BCAS3: variants seen among roughly 807,000 people sequenced by gnomAD.
BCAS3 encodes BCAS3 microtubule associated cell migration factor.
BCAS3 carries 53 observed loss-of-function variants against 116.1 expected under a neutral mutation model. The observed-to-expected ratio is 0.46, with a 90% CI of 0.37 to 0.57. The LOEUF (loss-of-function observed/expected upper bound fraction) is 0.57. BCAS3 is among the 20% of genes least tolerant of loss of function. The pLI, the probability that BCAS3 is intolerant of heterozygous loss-of-function variation, is 0.00. For missense variants in BCAS3, 917 were observed against 1,165.4 expected (o/e 0.79, Z 3.10); for synonymous variants, 391 against 408.2 (o/e 0.96, Z 0.51).
Position 61,380,812 on chromosome 17 carries a change from G to T in BCAS3, c.2594-11165G>T, listed in dbSNP as rs1895922544. Reference sequence around the variant, plus strand: ...GCCACTCCCTGCCCCCCACTTTGAAGATGGAAGTGAAATTTTCGGACTCTG... The same window carrying T: ...GCCACTCCCTGCCCCCCACTTTGAATATGGAAGTGAAATTTTCGGACTCTG... On this transcript the variant is annotated intron_variant, in intron 23 of 23. Coordinates refer to ENST00000407086, the MANE Select transcript of BCAS3 (RefSeq NM_017679.5). This position sits in a 1 kb window ranked among gnomAD's most constrained non-coding sequence, Gnocchi z 4.2. Among the ~76,000 whole-genome samples the T allele has an allele frequency of 6.6e-6, 1 of 152,236 alleles. No homozygotes were observed. Among genetic ancestry groups the T allele is most frequent in the South Asian group, 2.1e-4 (1 of 4,824 alleles).
chr17:60,697,687 T>G (rs2035787391), intron 4 of BCAS3, among the ~76,000 whole-genome samples: 1 of 152,014 alleles, frequency 6.6e-6, no homozygotes, highest in African/African-American at 2.4e-5. Flanking sequence ...GCAAACAGTC[T>G]TCTAAGGAGG....
At chr17:60,814,768 T>C (rs1391973831) in intron 7 of BCAS3, among the ~76,000 whole-genome samples, 2 of 152,200 alleles carry the variant, frequency 1.3e-5, no homozygotes, top group Admixed American at 6.5e-5. Context: ...TTTAAACACA[T>C]TGTTTAATGA....
At chr17:60,764,424 T>C (rs1598543634) in intron 6 of BCAS3, among the ~76,000 whole-genome samples, 1 of 152,328 alleles carries the variant, frequency 6.6e-6, no homozygotes, top group Non-Finnish European at 1.5e-5. Flanking sequence ...TCAAAGAACA[T>C]CTTTATTTCT....
At chr17:60,853,768 A>C (rs1456055105) in intron 7 of BCAS3, among the ~76,000 whole-genome samples, 2 of 152,206 alleles carry the variant, frequency 1.3e-5, no homozygotes, top group Non-Finnish European at 2.9e-5. Flanking sequence ...CTGTTTTCTT[A>C]TAAAATGTTT....
intron 23 of BCAS3, chr17:61,383,747 A>G (rs2059713896): frequency 6.6e-6 from 1 of 152,264 alleles, no homozygotes; most frequent in African/African-American, 2.4e-5. Context: ...GAAAAGGGGA[A>G]AGCCACATCT....
rs370595858 is a variant in BCAS3, at chr17:61,223,314, GC to G, written c.2425+138752del. Among the ~76,000 whole-genome samples, 55 of 151,946 alleles carry G rather than the reference GC, an allele frequency of 3.6e-4. No individual in the cohort carries two copies. The East Asian group carries it at 8.5e-3, about 24-fold the overall frequency. ...TGGGATTACAGGCATGTGCCACCAC[GC>G]CTGGCTAATTTTTTTTTGTATTTAG... On this transcript the variant is annotated intron_variant, in intron 22 of 23. Transcript: ENST00000407086.
intron 15 of BCAS3, among the ~76,000 whole-genome samples, chr17:60,998,740 G>C (rs968750888): frequency 1.8e-4 from 27 of 152,126 alleles, no homozygotes; most frequent in African/African-American, 6.0e-4. Flanking sequence ...CCTTTGTTCA[G>C]ATACATAGTT....
At chr17:61,237,535 C>A (rs1241955301) in intron 22 of BCAS3, among the ~76,000 whole-genome samples, 1 of 152,214 alleles carries the variant, frequency 6.6e-6, no homozygotes, top group East Asian at 1.9e-4. Context: ...TGTGGCTGCT[C>A]ACTGTTTGGG....
chr17:60,678,506 T>G (rs905115386), intron 1 of BCAS3, among the ~76,000 whole-genome samples: 1 of 152,162 alleles, frequency 6.6e-6, no homozygotes, highest in African/African-American at 2.4e-5. Context: ...GCTCTTAAAA[T>G]CTCAGTGATT....
At chr17:61,064,070 T>G (rs1364957010) in intron 19 of BCAS3, among the ~76,000 whole-genome samples, 2 of 152,202 alleles carry the variant, frequency 1.3e-5, no homozygotes, top group Non-Finnish European at 2.9e-5. Flanking sequence ...AAACTCCACC[T>G]TGTCCTTAAA....
intron 7 of BCAS3, among the ~76,000 whole-genome samples, chr17:60,827,375 C>T (rs1363437914): frequency 2.0e-5 from 3 of 152,116 alleles, no homozygotes; most frequent in African/African-American, 7.2e-5. Flanking sequence ...GGGAGTTTTG[C>T]CTCTATGACT....
intron 22 of BCAS3, among the ~76,000 whole-genome samples, chr17:61,093,298 T>C (rs1213021035): frequency 6.6e-6 from 1 of 152,148 alleles, no homozygotes; most frequent in Non-Finnish European, 1.5e-5. Flanking sequence ...ATTAATTTTT[T>C]ATTGTGGGTG....
chr17:60,845,588 A>G (rs1002854826), intron 7 of BCAS3, among the ~76,000 whole-genome samples: 2 of 152,158 alleles, frequency 1.3e-5, no homozygotes, highest in South Asian at 4.1e-4. Context: ...ACGGTAAACT[A>G]TGTCTAAGCA....
At chr17:60,744,493 T>C (rs2041867681) in intron 5 of BCAS3, among the ~76,000 whole-genome samples, 1 of 152,216 alleles carries the variant, frequency 6.6e-6, no homozygotes, top group Non-Finnish European at 1.5e-5. Flanking sequence ...GTATAAACCT[T>C]AACTCTGTTT....
rs879500255 is a variant in BCAS3, at chr17:61,140,584, C to CT, written c.2425+56033dup. ...CACATAAAAGTTGCTTATCTCTCCA[C>CT]TTTTTTTTTTTTTCTGGAGAAACAG... On this transcript the variant is annotated intron_variant, in intron 22 of 23. Transcript: ENST00000407086. The surrounding 1 kb of genome is among the most constrained non-coding windows in gnomAD (Gnocchi z 4.2). Among the ~76,000 whole-genome samples the CT allele has an allele frequency of 0.011, 1,592 of 145,940 alleles. 41 individuals are homozygous for CT. Among genetic ancestry groups the CT allele is most frequent in the Admixed American group, 0.057 (829 of 14,646 alleles).
chr17:60,870,482 C>T (rs1431559816), intron 8 of BCAS3, among the ~76,000 whole-genome samples: 6 of 151,964 alleles, frequency 3.9e-5, no homozygotes, highest in Admixed American at 3.3e-4. Context: ...TTCCTTCTGG[C>T]AGTATGGCAG....
chr17:61,304,472 C>T (rs1345024440), intron 22 of BCAS3, among the ~76,000 whole-genome samples: 1 of 152,214 alleles, frequency 6.6e-6, no homozygotes, highest in Non-Finnish European at 1.5e-5. Context: ...TATTTCGTGC[C>T]TAGAGTGTCC....
At chr17:61,322,830 CAGAGAGAGAG>C (rs1237128472) in intron 22 of BCAS3, among the ~76,000 whole-genome samples, 3 of 75,434 alleles carry the variant, frequency 4.0e-5, no homozygotes, top group Non-Finnish European at 8.3e-5. Context: ...GAGAGAGAGA[CAGAGAGAGAG>C]AGAGAGAGAG....
chr17:61,071,338 A>AT (rs1451132194), intron 19 of BCAS3, among the ~76,000 whole-genome samples: 2 of 152,104 alleles, frequency 1.3e-5, no homozygotes, highest in Admixed American at 1.3e-4. Context: ...AGTTTTTCAT[A>AT]TTTTTTCCTT....
Sources: gnomAD v4.1 joint callset for allele counts (sites outside exome capture counted in the v4.1 genomes callset) on GRCh38, gnomAD v4.1.1 for gene constraint, Gnocchi (gnomAD v3.1) non-coding constraint, MANE v1.5 for transcripts, NCBI Gene and HGNC (gene_info 2026-07-23, HGNC 2026-07-21) for gene names.